The following SHISA9 variants were observed in gnomAD, a reference collection of about 807,000 sequenced individuals.
The protein encoded by SHISA9 is shisa family member 9.
Under a neutral mutation model 38.0 loss-of-function variants are expected in SHISA9, and 13 were observed. The observed-to-expected ratio is 0.34, with a 90% CI of 0.22 to 0.54. SHISA9 has a LOEUF of 0.54. Among genes scored for constraint, SHISA9 ranks in the 20% least tolerant of loss-of-function variants. The pLI, the probability that SHISA9 is intolerant of heterozygous loss-of-function variation, is 0.91. For synonymous variants in SHISA9, 275 were observed against 242.0 expected, an observed-to-expected ratio of 1.14 and a Z score of -1.27; for missense variants, 538 against 575.8, an observed-to-expected ratio of 0.93 and a Z score of 0.67.
At chr16:13,337,418 G>A in the SHISA9 span, among the ~76,000 whole-genome samples, 1 of 152,048 alleles carries the variant, frequency 6.6e-6, no homozygotes, top group Non-Finnish European at 1.5e-5. Context: ...TGATTGTGAG[G>A]CCTCCCCAGC....
intron 2 of SHISA9, among the ~76,000 whole-genome samples, chr16:13,113,297 C>T (rs1230891): frequency 0.74 from 112,480 of 151,372 alleles, 42,322 homozygotes; most frequent in African/African-American, 0.84. Context: ...TCATTTGTTG[C>T]AGTGATGATG....
chr16:13,454,042 A>T, the SHISA9 span, among the ~76,000 whole-genome samples: 8 of 152,182 alleles, frequency 5.3e-5, no homozygotes, highest in African/African-American at 1.9e-4. Flanking sequence ...AGTACCAGTG[A>T]GAGGTAAGGA....
At chr16:13,300,245 C>A in the SHISA9 span, among the ~76,000 whole-genome samples, 1 of 152,172 alleles carries the variant, frequency 6.6e-6, no homozygotes, top group Admixed American at 6.5e-5. Flanking sequence ...CAGACCCAAT[C>A]CGCCCCCACA....
the SHISA9 span, among the ~76,000 whole-genome samples, chr16:13,424,393 C>T: frequency 2.0e-5 from 3 of 152,264 alleles, no homozygotes; most frequent in Admixed American, 6.5e-5. Context: ...CATCACATTC[C>T]AGGCTTCTCT....
chr16:13,547,465 G>T, the SHISA9 span, among the ~76,000 whole-genome samples: 2 of 152,060 alleles, frequency 1.3e-5, no homozygotes, highest in Non-Finnish European at 2.9e-5. Context: ...AAGGAAAAAT[G>T]GTGTTGTAAT....
intron 2 of SHISA9, among the ~76,000 whole-genome samples, chr16:13,190,073 C>A (rs1298202604): frequency 1.4e-5 from 2 of 138,110 alleles, no homozygotes; most frequent in African/African-American, 6.0e-5. Flanking sequence ...CATAAAACAC[C>A]CTTTAGTCTT....
chr16:13,433,875 G>T, the SHISA9 span, among the ~76,000 whole-genome samples: 1 of 152,148 alleles, frequency 6.6e-6, no homozygotes. Flanking sequence ...TGGTGATATT[G>T]CTTGTGTGTA....
At chr16:13,330,082 G>GT in the SHISA9 span, among the ~76,000 whole-genome samples, 12 of 152,220 alleles carry the variant, frequency 7.9e-5, no homozygotes, top group Admixed American at 5.2e-4. Flanking sequence ...CTAACACATT[G>GT]TAAGTTATCA....
At chr16:13,110,962 A>C (rs2073972476) in intron 2 of SHISA9, among the ~76,000 whole-genome samples, 1 of 152,248 alleles carries the variant, frequency 6.6e-6, no homozygotes, top group Non-Finnish European at 1.5e-5. Flanking sequence ...AAACTCAGAC[A>C]TACAAGAGAT....
the SHISA9 span, among the ~76,000 whole-genome samples, chr16:13,326,502 C>G: frequency 6.6e-6 from 1 of 152,200 alleles, no homozygotes. Context: ...AGGTGGATCA[C>G]TTGAGGCCAG....
the SHISA9 span, among the ~76,000 whole-genome samples, chr16:13,411,724 G>C: frequency 6.6e-6 from 1 of 152,222 alleles, no homozygotes; most frequent in Non-Finnish European, 1.5e-5. Context: ...GATACACTCT[G>C]TAAGTTACAC....
At chr16:13,455,308 C>G in the SHISA9 span, among the ~76,000 whole-genome samples, 5 of 152,170 alleles carry the variant, frequency 3.3e-5, no homozygotes, top group African/African-American at 1.2e-4. Flanking sequence ...GCCAATTCCA[C>G]CATCCCATAG....
intron 2 of SHISA9, among the ~76,000 whole-genome samples, chr16:13,101,461 A>G (rs2073878178): frequency 6.6e-6 from 1 of 152,258 alleles, no homozygotes; most frequent in Non-Finnish European, 1.5e-5. Context: ...ACAAACATAC[A>G]TATGAAAACC....
At chr16:13,066,363 C>G (rs1396990685) in intron 2 of SHISA9, among the ~76,000 whole-genome samples, 1 of 152,132 alleles carries the variant, frequency 6.6e-6, no homozygotes, top group African/African-American at 2.4e-5. Context: ...TCTTTTTCCT[C>G]TATGGCACTT....
rs556132014 is a variant in SHISA9 at position 12,966,455 on chromosome 16, A to G, written c.691+49640A>G. On this transcript the variant is annotated intron_variant, in intron 2 of 4. Transcript: ENST00000558583. ...TTTTTTGTAGAGACAGGGTCTCACC[A>G]TGTTGCCCAGGCTGGTCTCGAACTC... is the stretch of plus-strand genomic sequence containing the variant. Among the ~76,000 whole-genome samples the G allele has an allele frequency of 9.0e-4, 137 of 152,236 alleles. 2 individuals carry two copies. Among genetic ancestry groups the G allele is most frequent in the African/African-American group, 3.2e-3 (132 of 41,544 alleles).
At chr16:13,555,771 C>T in the SHISA9 span, among the ~76,000 whole-genome samples, 14 of 152,060 alleles carry the variant, frequency 9.2e-5, no homozygotes, top group Non-Finnish European at 1.8e-4. Flanking sequence ...CTTTGTCCCA[C>T]GTTACTTAGA....
chr16:13,345,040 A>G, the SHISA9 span, among the ~76,000 whole-genome samples: 1 of 152,176 alleles, frequency 6.6e-6, no homozygotes, highest in South Asian at 2.1e-4. Context: ...TAATTTTTGA[A>G]TAAATCTCTA....
the SHISA9 span, among the ~76,000 whole-genome samples, chr16:13,509,449 C>T: frequency 1.4e-4 from 21 of 152,078 alleles, no homozygotes; most frequent in African/African-American, 5.1e-4. Context: ...CTGCACAATT[C>T]TCAGTAGGAA....
At chr16:12,965,784 T>C (rs545815641) in intron 2 of SHISA9, among the ~76,000 whole-genome samples, 1 of 152,316 alleles carries the variant, frequency 6.6e-6, no homozygotes, top group South Asian at 2.1e-4. Context: ...TAAAATGAGA[T>C]GATATATGTA....
Sources: allele counts gnomAD v4.1 joint callset (sites outside exome capture counted in the v4.1 genomes callset), GRCh38; gene constraint gnomAD v4.1.1; transcripts MANE v1.5; gene names NCBI Gene and HGNC (gene_info 2026-07-23, HGNC 2026-07-21).